UGT2B17: variants seen among roughly 807,000 people sequenced by gnomAD.
UGT2B17 encodes UDP-glucuronosyltransferase 2B17.
Under a neutral mutation model 48.2 loss-of-function variants are expected in UGT2B17, and 21 were observed. The ratio of observed to expected loss-of-function variants is 0.44; its 90% CI spans 0.31 to 0.63. UGT2B17 has a LOEUF of 0.63. UGT2B17 is among the 20% of genes least tolerant of loss of function. The probability of loss-of-function intolerance (pLI) is 0.08; values close to 1 mark genes in which losing one functional copy is unlikely to be tolerated. For missense variants in UGT2B17, 402 were observed against 696.1 expected (o/e 0.58, Z 4.75); for synonymous variants, 146 against 238.4 (o/e 0.61, Z 3.57).
intron 3 of UGT2B17, among the ~76,000 whole-genome samples, 177 bp downstream of exon 3, chr4:68,565,395 A>G (rs1731179094): frequency 7.9e-6 from 1 of 125,942 alleles, no homozygotes; most frequent in Admixed American, 8.2e-5. Flanking sequence ...TTGGTCTTTA[A>G]TGATAATAAC....
In UGT2B17 at chr4:68,572,472, AT is replaced by A. The variant is rs1167581595; in HGVS notation, c.-65+3478del. Among the ~76,000 whole-genome samples the A allele has an allele frequency of 1.6e-5, 2 of 126,320 alleles. 1 individual carries two copies. Among genetic ancestry groups the A allele is most frequent in the Non-Finnish European group, 3.4e-5 (2 of 59,634 alleles). 82.9% of individuals were successfully genotyped at this position (126,320 alleles called of 152,430 possible). ...TTGTTGTTGTTTTTGTTGCTATTTA[AT>A]TTTTTTAGAGTCCTCGGGCGTCCGT... is the stretch of plus-strand genomic sequence containing the variant. On this transcript the variant is annotated intron_variant, in intron 1 of 6. Transcript: ENST00000317746.
Position 68,554,131 on chromosome 4 carries a change from G to C in UGT2B17, c.1006-2220C>G, listed in dbSNP as rs1401451572. Reference sequence around the variant, plus strand: ...AGGGAGAAACTGAGACACGTAAGAGGGTGGAAACAACTCAGTGGTGACACA... The same window carrying C: ...AGGGAGAAACTGAGACACGTAAGAGCGTGGAAACAACTCAGTGGTGACACA... On this transcript the variant is annotated intron_variant, in intron 4 of 6. Transcript: ENST00000317746. 1.6e-5 allele frequency among the ~76,000 whole-genome samples: 2 copies of C among 125,740 alleles called. 1 individual carries two copies. Among genetic ancestry groups the C allele is most frequent in the Non-Finnish European group, 3.4e-5 (2 of 59,338 alleles). 82.5% of individuals were successfully genotyped at this position (125,740 alleles called of 152,430 possible).
intron 5 of UGT2B17, among the ~76,000 whole-genome samples, 180 bp downstream of exon 5, chr4:68,551,644 C>T (rs1240344579): frequency 1.6e-5 from 2 of 125,566 alleles, no homozygotes; most frequent in African/African-American, 5.4e-5. Flanking sequence ...TAACAAAATG[C>T]CAACTACCAT....
At chr4:68,538,790 C>T (rs1730601846) in intron 6 of UGT2B17, among the ~76,000 whole-genome samples, 1 of 126,246 alleles carries the variant, frequency 7.9e-6, no homozygotes, top group African/African-American at 2.7e-5. Context: ...TGTCCTAACC[C>T]TTTCCCCCTG....
intron 1 of UGT2B17, among the ~76,000 whole-genome samples, chr4:68,574,247 A>T (rs996534969): frequency 1.6e-5 from 2 of 127,196 alleles, no homozygotes; most frequent in African/African-American, 5.4e-5. Flanking sequence ...TTTAGACCAA[A>T]GAAAGCTAAA....
Position 68,553,534 on chromosome 4 carries a change from C to A in UGT2B17, c.1006-1623G>T, listed in dbSNP as rs1730951710. 1.6e-5 allele frequency among the ~76,000 whole-genome samples: 2 copies of A among 125,096 alleles called. 1 individual carries two copies. Among genetic ancestry groups the A allele is most frequent in the Non-Finnish European group, 3.4e-5 (2 of 59,074 alleles). 82.1% of individuals were successfully genotyped at this position (125,096 alleles called of 152,430 possible). A position where few individuals can be genotyped will look rare whatever the true frequency, so the allele number is the denominator to read the frequency against. On this transcript the variant is annotated intron_variant, in intron 4 of 6. Transcript: ENST00000317746. Reference sequence around the variant, plus strand: ...GTTGTGGGCAGATTTTTTCTTAGGTCCAAAGCTCTGTTTTCCTATGTTGAA... The same window carrying A: ...GTTGTGGGCAGATTTTTTCTTAGGTACAAAGCTCTGTTTTCCTATGTTGAA...
In UGT2B17 at chr4:68,537,592, T is replaced by A. The variant is rs200510363; in HGVS notation, c.*33A>T. 3 of 1,309,364 alleles carry A rather than the reference T, an allele frequency of 2.3e-6. No individual in the cohort carries two copies. The South Asian group carries it at 6.3e-5, about 28-fold the overall frequency. 81.1% of individuals were successfully genotyped at this position (1,309,364 alleles called of 1,614,324 possible). The stretch of plus-strand genomic sequence containing the variant: ...GCTGGAATAAAGGAGGAGTCCCATC[T>A]TTTGGTCATTCCACTTCAGGCTTTT... On this transcript the variant is annotated 3_prime_UTR_variant, in exon 7 of 7. Transcript: ENST00000317746.
At chr4:68,547,828 C>T (rs1240957820) in intron 6 of UGT2B17, among the ~76,000 whole-genome samples, 3 of 126,750 alleles carry the variant, frequency 2.4e-5, no homozygotes, top group Non-Finnish European at 5.0e-5. Flanking sequence ...TGAAAAAATG[C>T]TCATCATCGC....
At position 68,542,802 on chromosome 4, in the gene UGT2B17, C is replaced by A. The variant is rs1387805015; in HGVS notation, c.1314-4898G>T. On this transcript the variant is annotated intron_variant, in intron 6 of 6. Transcript: ENST00000317746. ...GCACACCAGGAGATTATATCGCGCACCTGGCTCAGAGGGTCCTACGCCCAC... is the reference window on the plus strand; with the variant it reads ...GCACACCAGGAGATTATATCGCGCAACTGGCTCAGAGGGTCCTACGCCCAC... Among the ~76,000 whole-genome samples, 4 of 127,304 alleles carry A rather than the reference C, an allele frequency of 3.1e-5. 1 individual carries two copies. Among genetic ancestry groups the A allele is most frequent in the South Asian group, 7.3e-4 (2 of 2,748 alleles). The allele number at this position is 127,304 out of a possible 152,430, so 83.5% of individuals were successfully genotyped here. A position where few individuals can be genotyped will look rare whatever the true frequency, so the allele number is the denominator to read the frequency against.
Position 68,562,167 on chromosome 4 carries a change from G to A in UGT2B17, c.874-1499C>T, listed in dbSNP as rs1490367650. Among the ~76,000 whole-genome samples the A allele has an allele frequency of 3.2e-4, 39 of 123,064 alleles. 10 individuals carry two copies. Among genetic ancestry groups the A allele is most frequent in the African/African-American group, 1.1e-3 (38 of 36,012 alleles). The allele number at this position is 123,064 out of a possible 152,430, so 80.7% of individuals were successfully genotyped here. A position where few individuals can be genotyped will look rare whatever the true frequency, so the allele number is the denominator to read the frequency against. ...GTCTTGCTCTGTCACCTAGGCTGGA[G>A]TGCAATGATGCAATCTTGGCTCATT... On this transcript the variant is annotated intron_variant, in intron 3 of 6. Transcript: ENST00000317746.
intron 6 of UGT2B17, among the ~76,000 whole-genome samples, chr4:68,540,837 T>A (rs1305950593): frequency 8.0e-6 from 1 of 124,678 alleles, no homozygotes; most frequent in Non-Finnish European, 1.7e-5. Context: ...TTTGCTCCCC[T>A]CCCTGAGTCC....
At chr4:68,558,463 A>G (rs1731043860) in intron 4 of UGT2B17, among the ~76,000 whole-genome samples, 1 of 126,790 alleles carries the variant, frequency 7.9e-6, no homozygotes, top group African/African-American at 2.7e-5. Flanking sequence ...AGAAAATAAC[A>G]GCAACCAATT....
At chr4:68,565,741 A>G (rs974606674) in intron 2 of UGT2B17, 21 bp from the exon 3 acceptor site, 1 of 1,327,204 alleles carries the variant, frequency 7.5e-7, no homozygotes, top group Non-Finnish European at 9.7e-7. Context: ...AAAACAAAAC[A>G]AAACAAAAGG....
chr4:68,548,195 A>G lies in UGT2B17; in HGVS notation c.1313+2482T>C, dbSNP rs555614558. On this transcript the variant is annotated intron_variant, in intron 6 of 6. Transcript: ENST00000317746. ...CAACCCAAATGTCCAACAATGATAG[A>G]CTGGATTAAGAAAATGTGGCACACA... Among the ~76,000 whole-genome samples, 52 of 126,906 alleles carry G rather than the reference A, an allele frequency of 4.1e-4. 14 individuals carry two copies. Among genetic ancestry groups the G allele is most frequent in the South Asian group, 7.2e-4 (2 of 2,766 alleles). The allele number at this position is 126,906 out of a possible 152,430, so 83.3% of individuals were successfully genotyped here. A position where few individuals can be genotyped will look rare whatever the true frequency, so the allele number is the denominator to read the frequency against.
At chr4:68,555,923 GTTTT>G (rs34104261) in intron 4 of UGT2B17, among the ~76,000 whole-genome samples, 1 of 82,630 alleles carries the variant, frequency 1.2e-5, no homozygotes, top group Admixed American at 1.3e-4. Context: ...AAAATAAAAA[GTTTT>G]TTTTTTTTTT....
chr4:68,545,232 C>T (rs1230272100), intron 6 of UGT2B17, among the ~76,000 whole-genome samples: 1 of 126,380 alleles, frequency 7.9e-6, no homozygotes, highest in Non-Finnish European at 1.7e-5. Context: ...ATCTCTCAGA[C>T]CACAGTGCAA....
Position 68,562,746 on chromosome 4 carries a change from C to A in UGT2B17, c.874-2078G>T, listed in dbSNP as rs1233149842. 1.6e-5 allele frequency among the ~76,000 whole-genome samples: 2 copies of A among 125,810 alleles called. 1 individual carries two copies. Among genetic ancestry groups the A allele is most frequent in the Non-Finnish European group, 3.4e-5 (2 of 59,476 alleles). The allele number at this position is 125,810 out of a possible 152,430, so 82.5% of individuals were successfully genotyped here. ...TCTCTATCTCAATTTAAAATGTGTA[C>A]CATTTCATTATGGTTTTAATTCTAT... On this transcript the variant is annotated intron_variant, in intron 3 of 6. Transcript: ENST00000317746.
chr4:68,538,049 G>A lies in UGT2B17; in HGVS notation c.1314-145C>T, dbSNP rs1730587533. On this transcript the variant is annotated intron_variant, in intron 6 of 6. Coordinates refer to ENST00000317746, the MANE Select transcript of UGT2B17 (RefSeq NM_001077.4). ...TGACATAAAATATTAATGTTTTAAT[G>A]TATGTCATTACAGAAAGTTTGGTTT... 5 of 634,786 alleles carry A rather than the reference G, an allele frequency of 7.9e-6. 1 individual carries two copies. The highest frequency in any genetic ancestry group is 1.1e-5 in the Non-Finnish European group (5 of 474,046). 39.3% of individuals were successfully genotyped at this position (634,786 alleles called of 1,614,324 possible). A position where few individuals can be genotyped will look rare whatever the true frequency, so the allele number is the denominator to read the frequency against.
At chr4:68,545,987 C>T (rs1361218445) in intron 6 of UGT2B17, among the ~76,000 whole-genome samples, 1 of 125,670 alleles carries the variant, frequency 8.0e-6, no homozygotes, top group African/African-American at 2.7e-5. Context: ...CTGAATTCTA[C>T]CAGAGGTACA....
Sources: allele counts gnomAD v4.1 joint callset (sites outside exome capture counted in the v4.1 genomes callset), GRCh38; gene constraint gnomAD v4.1.1; transcripts MANE v1.5; gene names NCBI Gene and HGNC (gene_info 2026-07-23, HGNC 2026-07-21).